The following EYA2 variants were observed in gnomAD, a reference collection of about 807,000 sequenced individuals.
EYA2 encodes EYA transcriptional coactivator and phosphatase 2.
In EYA2, 31 loss-of-function variants were observed where a neutral mutation model predicts 69.2. The observed-to-expected ratio is 0.45, with a 90% CI of 0.34 to 0.60. The LOEUF (loss-of-function observed/expected upper bound fraction) is 0.60. Ranked by LOEUF, EYA2 falls within the 20% of genes least tolerant of loss-of-function variation. The pLI is 0.02. For missense variants in EYA2, 622 were observed against 701.2 expected (o/e 0.89, Z 1.28); for synonymous variants, 257 against 279.4 (o/e 0.92, Z 0.80).
At chr20:46,971,454 A>G (rs1021512611) in intron 1 of EYA2, among the ~76,000 whole-genome samples, 1 of 152,228 alleles carries the variant, frequency 6.6e-6, no homozygotes, top group African/African-American at 2.4e-5. Flanking sequence ...CCTAACCTAC[A>G]TGTTACTTGC....
chr20:47,059,391 G>A (rs916073019), intron 5 of EYA2, among the ~76,000 whole-genome samples: 2 of 152,208 alleles, frequency 1.3e-5, no homozygotes, highest in South Asian at 2.1e-4. Context: ...GTCTCACTCT[G>A]TCTCCCAGGC....
At chr20:47,186,875 T>C (rs1245312251) in intron 15 of EYA2, among the ~76,000 whole-genome samples, 4 of 152,198 alleles carry the variant, frequency 2.6e-5, no homozygotes, top group African/African-American at 9.7e-5. Context: ...CTTTCTTCCA[T>C]ATACATGCAC....
At chr20:47,037,468 A>C (rs1417386299) in intron 5 of EYA2, among the ~76,000 whole-genome samples, 1 of 152,230 alleles carries the variant, frequency 6.6e-6, no homozygotes, top group African/African-American at 2.4e-5. Flanking sequence ...TTAGTTTTCC[A>C]TGACTTCTAT....
intron 5 of EYA2, among the ~76,000 whole-genome samples, chr20:47,025,431 T>G (rs1223595407): frequency 1.3e-5 from 2 of 152,260 alleles, no homozygotes; most frequent in Admixed American, 1.3e-4. Flanking sequence ...CACACTCTTC[T>G]GCACTTCGTT....
intron 1 of EYA2, among the ~76,000 whole-genome samples, chr20:46,966,732 C>T (rs1358826642): frequency 6.6e-6 from 1 of 151,928 alleles, no homozygotes; most frequent in Non-Finnish European, 1.5e-5. Flanking sequence ...ATGGTGTCAA[C>T]CTGGGAGGCG....
At chr20:46,973,528 T>A (rs1016362051) in intron 1 of EYA2, among the ~76,000 whole-genome samples, 3 of 152,170 alleles carry the variant, frequency 2.0e-5, no homozygotes, top group South Asian at 2.1e-4. Context: ...GATGTGATAA[T>A]AGAAAATCTC....
intron 5 of EYA2, among the ~76,000 whole-genome samples, chr20:47,030,366 A>G (rs763310156): frequency 1.3e-5 from 2 of 152,248 alleles, no homozygotes; most frequent in Non-Finnish European, 2.9e-5. Context: ...TGGTTTACAC[A>G]GTGGCAGGTT....
intron 1 of EYA2, among the ~76,000 whole-genome samples, chr20:46,937,797 A>C (rs947521452): frequency 9.2e-5 from 14 of 152,176 alleles, no homozygotes; most frequent in Non-Finnish European, 2.9e-5. Flanking sequence ...GAAGCTTGCA[A>C]ACCACTGGTT....
intron 5 of EYA2, among the ~76,000 whole-genome samples, chr20:47,064,824 A>G (rs898572853): frequency 6.6e-6 from 1 of 152,324 alleles, no homozygotes; most frequent in East Asian, 1.9e-4. Flanking sequence ...GTCACTGTAC[A>G]TAGCATCCCC....
chr20:47,052,824 A>G (rs1040088009), intron 5 of EYA2, among the ~76,000 whole-genome samples: 2 of 152,112 alleles, frequency 1.3e-5, no homozygotes, highest in Non-Finnish European at 1.5e-5. Context: ...GGATCTCACT[A>G]TGTTGCCCAG....
intron 7 of EYA2, among the ~76,000 whole-genome samples, chr20:47,076,454 A>C (rs1175312730): frequency 6.6e-6 from 1 of 152,098 alleles, no homozygotes. Flanking sequence ...TTCCCTAATG[A>C]CCAGTGATAT....
At chr20:47,058,296 A>G (rs1259651230) in intron 5 of EYA2, among the ~76,000 whole-genome samples, 1 of 152,238 alleles carries the variant, frequency 6.6e-6, no homozygotes, top group Admixed American at 6.5e-5. Flanking sequence ...GATTATGCCA[A>G]GTGCCTGTAG....
chr20:47,077,142 C>T (rs1220130918), intron 7 of EYA2, among the ~76,000 whole-genome samples: 2 of 152,166 alleles, frequency 1.3e-5, no homozygotes, highest in Admixed American at 6.5e-5. Context: ...TACAAGAAGA[C>T]AGAAGAGACA....
intron 2 of EYA2, among the ~76,000 whole-genome samples, chr20:46,991,610 G>C (rs1981663479): frequency 1.3e-5 from 2 of 152,194 alleles, no homozygotes; most frequent in Admixed American, 1.3e-4. Flanking sequence ...TATGTTTTAA[G>C]TAAAAGTGAA....
chr20:46,940,298 A>G (rs1315111021), intron 1 of EYA2, among the ~76,000 whole-genome samples: 1 of 152,160 alleles, frequency 6.6e-6, no homozygotes, highest in Non-Finnish European at 1.5e-5. Flanking sequence ...AACTCACATA[A>G]TAGTTGAGGT....
At chr20:47,184,026 T>G (rs530995320) in intron 15 of EYA2, among the ~76,000 whole-genome samples, 2 of 152,068 alleles carry the variant, frequency 1.3e-5, no homozygotes, top group African/African-American at 4.8e-5. Context: ...AATGCAAAAA[T>G]GTTCAGGGTC....
chr20:46,989,004 C>A (rs1316998920), intron 1 of EYA2, among the ~76,000 whole-genome samples: 1 of 152,018 alleles, frequency 6.6e-6, no homozygotes, highest in African/African-American at 2.4e-5. Context: ...CCATGCCTGG[C>A]CAGAATTTAG....
chr20:47,089,223 C>G lies in EYA2; in HGVS notation c.662-16C>G, dbSNP rs764270918. 1.2e-6 allele frequency: 2 copies of G among 1,612,574 alleles called. No homozygotes were observed. Among genetic ancestry groups the G allele is most frequent in the Non-Finnish European group, 1.7e-6 (2 of 1,179,002 alleles). On this transcript the variant is annotated splice_polypyrimidine_tract_variant and intron_variant, in intron 7 of 15. Coordinates refer to ENST00000327619, the MANE Select transcript of EYA2 (RefSeq NM_005244.5). Reference sequence around the variant, plus strand: ...CAAAGCTTCTGATTTGTCCACCATTCCCTTTCTTACGCCAGGTGAATACAA... The same window carrying G: ...CAAAGCTTCTGATTTGTCCACCATTGCCTTTCTTACGCCAGGTGAATACAA...
chr20:46,937,162 A>G (rs1182950695), intron 1 of EYA2, among the ~76,000 whole-genome samples: 2 of 152,232 alleles, frequency 1.3e-5, no homozygotes, highest in Non-Finnish European at 1.5e-5. Context: ...AGAAGAAAAA[A>G]AAATCTCTGC....
Sources: allele counts gnomAD v4.1 joint callset (sites outside exome capture counted in the v4.1 genomes callset), GRCh38; gene constraint gnomAD v4.1.1; transcripts MANE v1.5; gene names NCBI Gene and HGNC (gene_info 2026-07-23, HGNC 2026-07-21).